Variants in ANGEL1 observed in about 807,000 individuals in gnomAD.
ANGEL1 encodes angel homolog 1.
ANGEL1 carries 62 observed loss-of-function variants against 76.4 expected under a neutral mutation model. The observed-to-expected ratio is 0.81, with a 90% CI of 0.66 to 1.00. ANGEL1 has a LOEUF of 1.00. Ranked by LOEUF, ANGEL1 falls within the 50% of genes least tolerant of loss-of-function variation. ANGEL1 has a pLI of 0.00. For synonymous variants in ANGEL1, 340 were observed against 331.7 expected (o/e 1.03, Z -0.27); for missense variants, 737 against 836.7 (o/e 0.88, Z 1.47).
In ANGEL1 at chr14:76,792,047, C is replaced by T. The variant is rs192156864; in HGVS notation, c.1619-681G>A. ...CCAAGAAAACAGAATACTCAAATTACTAAAATCAGAAATGAAAGAGGGGCC... is the reference window on the plus strand; with the variant it reads ...CCAAGAAAACAGAATACTCAAATTATTAAAATCAGAAATGAAAGAGGGGCC... On this transcript the variant is annotated intron_variant, in intron 7 of 9. Coordinates refer to ENST00000251089, the MANE Select transcript of ANGEL1 (RefSeq NM_015305.4). 5.9e-5 allele frequency among the ~76,000 whole-genome samples: 9 copies of T among 152,114 alleles called. 1 individual carries two copies. The highest frequency in any genetic ancestry group is 5.2e-4 in the Admixed American group (8 of 15,272).
In ANGEL1 at chr14:76,809,112, G is replaced by T. The variant is rs143581712; in HGVS notation, c.596C>A (p.Pro199His). 11 of 1,614,128 alleles carry T rather than the reference G, an allele frequency of 6.8e-6. No individual in the cohort carries two copies. The highest frequency in any genetic ancestry group is 1.7e-5 in the Admixed American group (1 of 60,014). ...CTGCAACTGCCCCAGGCCCTCAAAG[G>T]GCCAGATGGAAGCCTCTTCCTGGGG... ...PVPQEEASIWPFEGLGQLQPP... is the reference protein window; with the variant it reads ...PVPQEEASIWHFEGLGQLQPP... Residue 199 changes from proline to histidine, a missense_variant, in exon 2 of 10, where the codon CCC becomes CAC. Transcript: ENST00000251089.
chr14:76,805,052 T>A lies in ANGEL1; in HGVS notation c.1381-1140A>T, dbSNP rs536963661. Among the ~76,000 whole-genome samples the A allele has an allele frequency of 1.1e-4, 17 of 148,608 alleles. No homozygotes were observed. The South Asian group carries it at 1.9e-3, about 17-fold the overall frequency. On this transcript the variant is annotated intron_variant, in intron 5 of 9. Transcript: ENST00000251089. ...ATAAATAAATAAATAAATAAATAAA[T>A]AAAATGGGATAATAATACCATGTAC...
chr14:76,804,838 C>T (rs1181217276), intron 5 of ANGEL1, among the ~76,000 whole-genome samples: 1 of 151,934 alleles, frequency 6.6e-6, no homozygotes, highest in Non-Finnish European at 1.5e-5. Context: ...GGCGAAACCC[C>T]GTCTCTACTA....
chr14:76,801,735 GTTT>G (rs1894770803), intron 7 of ANGEL1, among the ~76,000 whole-genome samples: 2 of 151,832 alleles, frequency 1.3e-5, no homozygotes, highest in Admixed American at 1.3e-4. Context: ...TTTTTGTAAT[GTTT>G]TTATTTTTTA....
rs149149611 is a variant in ANGEL1, at chr14:76,789,252, G to A, written c.1989C>T (p.Phe663=). ...SSDHLCLLAS[F]GMEVTAP is the part of the protein sequence containing the mutation. ...GTCATGGGGCGGTGACTTCCATCCCGAAGCTGGCTAGCAGGCAGAGGTGGT... is the reference window on the plus strand; with the variant it reads ...GTCATGGGGCGGTGACTTCCATCCCAAAGCTGGCTAGCAGGCAGAGGTGGT... Residue 663 remains phenylalanine, a synonymous_variant, in exon 10 of 10, where the codon TTC becomes TTT. Transcript: ENST00000251089. 7.6e-5 allele frequency: 122 copies of A among 1,614,194 alleles called. 1 individual carries two copies. The Middle Eastern group carries it at 4.6e-3, about 61-fold the overall frequency.
At position 76,807,500 on chromosome 14, in the gene ANGEL1, G is replaced by A. The variant is rs1311110541; in HGVS notation, c.879C>T (p.Ile293=). The change falls in exon 4 of 10, where the codon ATC becomes ATT. Residue 293 remains isoleucine (I), a splice_region_variant and synonymous_variant. Coordinates refer to ENST00000251089, the MANE Select transcript of ANGEL1 (RefSeq NM_015305.4). ...MQEFQHWDPD[I]LCLQEVQEDH... The stretch of plus-strand genomic sequence containing the variant: ...CTTCCTGGACTTCCTGGAGACACAG[G>A]ATCTGGGAAATTGACAAGAAACCCA... 4.3e-6 allele frequency: 7 copies of A among 1,613,424 alleles called. No homozygotes were observed. The highest frequency in any genetic ancestry group is 5.9e-6 in the Non-Finnish European group (7 of 1,179,782).
chr14:76,799,896 ACT>A (rs1894709480), intron 7 of ANGEL1, among the ~76,000 whole-genome samples: 1 of 143,400 alleles, frequency 7.0e-6, no homozygotes, highest in Non-Finnish European at 1.5e-5. Context: ...AAACAGTGAG[ACT>A]CTGTCATGAA....
In ANGEL1 at chr14:76,790,683, G is replaced by T; in HGVS notation, c.1780C>A (p.Pro594Thr). Residue 594 changes from proline (P) to threonine (T), a missense_variant, in exon 9 of 10, where the codon CCA (proline) becomes ACA (threonine). Around this residue, in one of 2 missense-constraint regions of ANGEL1, gnomAD observed 296 missense variants for 387.2 expected, o/e 0.76. Coordinates refer to ENST00000251089, the MANE Select transcript of ANGEL1 (RefSeq NM_015305.4). Reference protein sequence around the residue: ...QRGRPEVTTMPLGLGMTVDYI... With the variant: ...QRGRPEVTTMTLGLGMTVDYI... ...TCTACTGTCATTCCAAGACCCAATG[G>T]CATTGTAGTGACCTCTGGGCGGCCA... The T allele has an allele frequency of 1.2e-6, 2 of 1,614,158 alleles. No homozygotes were observed. Among genetic ancestry groups the T allele is most frequent in the South Asian group, 2.2e-5 (2 of 91,086 alleles).
intron 1 of ANGEL1, chr14:76,812,219 T>C (rs554189337): frequency 1.0e-5 from 10 of 984,072 alleles, no homozygotes; most frequent in Non-Finnish European, 1.2e-5. Flanking sequence ...TCTAAATGTG[T>C]CTCTGATTGA....
At chr14:76,811,000 T>C (rs1205005210) in intron 1 of ANGEL1, among the ~76,000 whole-genome samples, 3 of 152,184 alleles carry the variant, frequency 2.0e-5, no homozygotes, top group Non-Finnish European at 4.4e-5. Context: ...TGAAAGACGG[T>C]TCAAATATCT....
intron 9 of ANGEL1, 89 bp from the exon 10 acceptor site, chr14:76,789,477 C>A: frequency 6.7e-7 from 1 of 1,481,808 alleles, no homozygotes; most frequent in Non-Finnish European, 9.2e-7. Flanking sequence ...GGAACGCCTT[C>A]TGCAGGCTGC....
Position 76,789,186 on chromosome 14 carries a change from G to A in ANGEL1, c.*42C>T. The A allele has an allele frequency of 6.2e-7, 1 of 1,609,032 alleles. No homozygotes were observed. Among genetic ancestry groups the A allele is most frequent in the Non-Finnish European group, 8.5e-7 (1 of 1,177,648 alleles). ...ATTTTTCCACAGTCTCTGATCCAGTGAGCTCTTCTGGAAGAGAAGCTCTCT... is the reference window on the plus strand; with the variant it reads ...ATTTTTCCACAGTCTCTGATCCAGTAAGCTCTTCTGGAAGAGAAGCTCTCT... On this transcript the variant is annotated 3_prime_UTR_variant, in exon 10 of 10. Transcript: ENST00000251089.
At position 76,787,485 on chromosome 14, in the gene ANGEL1, C is replaced by G. The variant is rs991445872; in HGVS notation, c.*1743G>C. ...ACCCTTTTAGGCAGTGTCCAGGGAA[C>G]AGACAGACAGAATGAATGGTGGGGT... On this transcript the variant is annotated 3_prime_UTR_variant, in exon 10 of 10. Coordinates refer to ENST00000251089, the MANE Select transcript of ANGEL1 (RefSeq NM_015305.4). 7.2e-5 allele frequency: 11 copies of G among 152,636 alleles called. No homozygotes were observed. Among genetic ancestry groups the G allele is most frequent in the African/African-American group, 2.7e-4 (11 of 41,442 alleles). 9.5% of individuals were successfully genotyped at this position (152,636 alleles called of 1,614,324 possible). A position where few individuals can be genotyped will look rare whatever the true frequency, so the allele number is the denominator to read the frequency against.
chr14:76,804,984 T>C (rs1486294477), intron 5 of ANGEL1, among the ~76,000 whole-genome samples: 1 of 151,748 alleles, frequency 6.6e-6, no homozygotes, highest in Non-Finnish European at 1.5e-5. Flanking sequence ...CACTCCAGCC[T>C]GGGCAACAGA....
chr14:76,806,876 T>G, intron 4 of ANGEL1, 27 bp from the exon 5 acceptor site: 1 of 1,599,928 alleles, frequency 6.3e-7, no homozygotes, highest in Non-Finnish European at 8.5e-7. Flanking sequence ...ACCAAAGAGA[T>G]GGGTCAGAGT....
chr14:76,792,258 T>C (rs554740727), intron 7 of ANGEL1, among the ~76,000 whole-genome samples: 1 of 152,306 alleles, frequency 6.6e-6, no homozygotes, highest in African/African-American at 2.4e-5. Context: ...ATTGAATCTG[T>C]AATTTTAAAA....
At chr14:76,807,000 T>A (rs1894939132) in intron 4 of ANGEL1, 151 bp from the exon 5 acceptor site, 3 of 890,982 alleles carry the variant, frequency 3.4e-6, no homozygotes, top group Non-Finnish European at 3.4e-6. Flanking sequence ...TTCAGCAGGT[T>A]CCCCCTTACA....
chr14:76,794,657 C>T (rs1248238167), intron 7 of ANGEL1, among the ~76,000 whole-genome samples: 3 of 145,366 alleles, frequency 2.1e-5, no homozygotes, highest in Non-Finnish European at 4.5e-5. Flanking sequence ...GGCAACGGAG[C>T]GAGACTCCAT....
chr14:76,810,777 CAAGA>C (rs1895060822), intron 1 of ANGEL1, among the ~76,000 whole-genome samples: 1 of 152,164 alleles, frequency 6.6e-6, no homozygotes, highest in Non-Finnish European at 1.5e-5. Flanking sequence ...AGCCAACAGG[CAAGA>C]AAGAAAGTGG....
Sources: allele counts gnomAD v4.1 joint callset (sites outside exome capture counted in the v4.1 genomes callset), GRCh38; gene constraint gnomAD v4.1.1; regional missense constraint gnomAD v4.1.1; transcripts MANE v1.5; gene names NCBI Gene and HGNC (gene_info 2026-07-23, HGNC 2026-07-21).